The following HNRNPL variants were observed in gnomAD, a reference collection of about 807,000 sequenced individuals.
HNRNPL encodes the protein epididymis secretory sperm binding protein.
A neutral mutation model predicts 64.0 loss-of-function variants in HNRNPL; 12 were observed. The observed-to-expected ratio is 0.19, with a 90% CI of 0.12 to 0.30. The LOEUF (loss-of-function observed/expected upper bound fraction) is 0.30, where lower values mean the gene tolerates loss of function less well. Ranked by LOEUF, HNRNPL falls within the 10% of genes least tolerant of loss-of-function variation. The pLI is 1.00. For synonymous variants in HNRNPL, 385 were observed against 313.0 expected, an observed-to-expected ratio of 1.23 and a Z score of -2.43; for missense variants, 484 against 797.4, an observed-to-expected ratio of 0.61 and a Z score of 4.73.
chr19:38,839,969 C>T (rs994478991), intron 8 of HNRNPL, 127 bp downstream of exon 8: 4 of 808,860 alleles, frequency 4.9e-6, no homozygotes, highest in Non-Finnish European at 4.1e-6. Context: ...GCTGCCTGAG[C>T]TCACTGAGTC....
chr19:38,844,143 T>C (rs1555726287), intron 4 of HNRNPL, 39 bp from the exon 5 acceptor site: 6 of 1,342,160 alleles, frequency 4.5e-6, no homozygotes, highest in Admixed American at 3.4e-5. Flanking sequence ...CAGGAGATCT[T>C]TGAGAAGGGC....
chr19:38,837,550 A>G (rs1322055784), intron 11 of HNRNPL, 44 bp downstream of exon 11: 1 of 1,611,032 alleles, frequency 6.2e-7, no homozygotes, highest in Non-Finnish European at 8.5e-7. Flanking sequence ...CTGCCCACCA[A>G]CCACCATGCA....
upstream of HNRNPL, among the ~76,000 whole-genome samples, chr19:38,850,661 C>T (rs558334252): frequency 2.0e-5 from 3 of 152,344 alleles, no homozygotes; most frequent in Admixed American, 1.3e-4. Flanking sequence ...TATGGAGCGA[C>T]CGCTGTGTGT....
At position 38,845,973 on chromosome 19, in the gene HNRNPL, T is replaced by C. The variant is rs1568373273; in HGVS notation, c.504A>G (p.Pro168=). Residue 168 remains proline, a synonymous_variant, in exon 3 of 13, where the codon CCA becomes CCG. Coordinates refer to ENST00000221419, the MANE Select transcript of HNRNPL (RefSeq NM_001533.3). ...ADNQIYIAGH[P]AFVNYSTSQK... is the part of the protein sequence containing the mutation. Reference sequence around the variant, plus strand: ...GGCTGGTAGAGTAGTTGACAAAAGCTGGGTGACCAGCAATGTATATTTGGT... The same window carrying C: ...GGCTGGTAGAGTAGTTGACAAAAGCCGGGTGACCAGCAATGTATATTTGGT... 1.9e-6 allele frequency: 3 copies of C among 1,614,066 alleles called. No individual in the cohort carries two copies. Among genetic ancestry groups the C allele is most frequent in the African/African-American group, 1.3e-5 (1 of 74,924 alleles).
chr19:38,837,150 G>T (rs1286576513), intron 12 of HNRNPL: 16 of 581,192 alleles, frequency 2.8e-5, no homozygotes, highest in Non-Finnish European at 4.3e-5. Context: ...CTCCCTGGAG[G>T]ACAAGCCTGA....
chr19:38,846,596 A>T (rs1392935692), intron 2 of HNRNPL, among the ~76,000 whole-genome samples: 1 of 152,042 alleles, frequency 6.6e-6, no homozygotes, highest in Non-Finnish European at 1.5e-5. Flanking sequence ...ACATGGCAAA[A>T]CCTCACCTCT....
chr19:38,849,477 C>T (rs1972424849), intron 1 of HNRNPL: 2 of 539,424 alleles, frequency 3.7e-6, no homozygotes, highest in East Asian at 7.2e-5. Flanking sequence ...GAGCTACTTC[C>T]TCTGCGCTCC....
rs532299931 is a variant in HNRNPL at position 38,846,063 on chromosome 19, T to C, written c.414A>G (p.Arg138=). 12 of 1,614,052 alleles carry C rather than the reference T, an allele frequency of 7.4e-6. No individual in the cohort carries two copies. Among genetic ancestry groups the C allele is most frequent in the African/African-American group, 1.3e-5 (1 of 75,028 alleles). ...CATCTTCAAACTCCACCAGTGCTTGTCTCTTTTTAGGCATTACCACCACAT... is the reference window on the plus strand; with the variant it reads ...CATCTTCAAACTCCACCAGTGCTTGCCTCTTTTTAGGCATTACCACCACAT... ...ISYVVVMPKK[R]QALVEFEDVL... Residue 138 remains arginine (R), a synonymous_variant, in exon 3 of 13, where the codon AGA becomes AGG. Transcript: ENST00000221419.
rs1188037744 is a variant in HNRNPL, at chr19:38,849,516, G to A, written c.267+184C>T. 5 of 814,644 alleles carry A rather than the reference G, an allele frequency of 6.1e-6. No homozygotes were observed. In the East Asian group the frequency reaches 1.4e-4, roughly 23 times the overall value. 50.5% of individuals were successfully genotyped at this position (814,644 alleles called of 1,614,324 possible). ...ACACCCCGCTCCGGACCCCGCGCAC[G>A]CGCAGGCGCCTGTCCTCGCGCAAAC... On this transcript the variant is annotated intron_variant, in intron 1 of 12. Coordinates refer to ENST00000221419, the MANE Select transcript of HNRNPL (RefSeq NM_001533.3).
Position 38,836,565 on chromosome 19 carries a change from T to C in HNRNPL, c.*157A>G. 2.1e-6 allele frequency: 1 copy of C among 474,760 alleles called. No individual in the cohort carries two copies. Among genetic ancestry groups the C allele is most frequent in the Non-Finnish European group, 3.6e-6 (1 of 275,668 alleles). The allele number at this position is 474,760 out of a possible 1,614,324, so 29.4% of individuals were successfully genotyped here. Reference sequence around the variant, plus strand: ...CCCTGCAGATTTCCAGCGTTTCCATTAAGGTTAAGTAAGCCTCTACAAACC... The same window carrying C: ...CCCTGCAGATTTCCAGCGTTTCCATCAAGGTTAAGTAAGCCTCTACAAACC... On this transcript the variant is annotated 3_prime_UTR_variant, in exon 13 of 13. Transcript: ENST00000221419.
intron 1 of HNRNPL, 186 bp downstream of exon 1, chr19:38,849,514 A>AC (rs1445283980): frequency 9.3e-5 from 73 of 788,620 alleles, no homozygotes; most frequent in Non-Finnish European, 1.7e-6. Flanking sequence ...GACCCCGCGC[A>AC]CGCGCAGGCG....
intron 2 of HNRNPL, among the ~76,000 whole-genome samples, chr19:38,846,874 C>G (rs1055942763): frequency 2.6e-5 from 4 of 152,248 alleles, no homozygotes; most frequent in Admixed American, 2.0e-4. Context: ...TCACTGCACT[C>G]CAGCCTGGGC....
chr19:38,843,764 G>A, intron 6 of HNRNPL, 78 bp downstream of exon 6: 1 of 1,235,332 alleles, frequency 8.1e-7, no homozygotes, highest in South Asian at 1.3e-5. Flanking sequence ...ACATAACCCT[G>A]AGCCCAGGCC....
At chr19:38,849,487 C>T (rs913647606) in intron 1 of HNRNPL, 7 of 587,472 alleles carry the variant, frequency 1.2e-5, no homozygotes, top group Non-Finnish European at 1.7e-5. Context: ...CTCTGCGCTC[C>T]CCCACACCCC....
In HNRNPL at chr19:38,840,279, C is replaced by G; in HGVS notation, c.1050G>C (p.Gly350=). ...YEGRRMGPPV[G]GHRRGPSRYG... ...AGCGACTTGGGCCCCGACGGTGACCCCCCACTGGTGGACCCATCCTTCTCC... is the reference window on the plus strand; with the variant it reads ...AGCGACTTGGGCCCCGACGGTGACCGCCCACTGGTGGACCCATCCTTCTCC... The change falls in exon 8 of 13, where the codon GGG becomes GGC. Residue 350 remains glycine, a synonymous_variant. Coordinates refer to ENST00000221419, the MANE Select transcript of HNRNPL (RefSeq NM_001533.3). The G allele has an allele frequency of 6.3e-7, 1 of 1,578,690 alleles. No homozygotes were observed. Among genetic ancestry groups the G allele is most frequent in the African/African-American group, 1.3e-5 (1 of 74,600 alleles).
chr19:38,847,205 T>C, intron 2 of HNRNPL, 111 bp downstream of exon 2: 1 of 541,180 alleles, frequency 1.8e-6, no homozygotes, highest in Non-Finnish European at 3.3e-6. Flanking sequence ...GGCCACAGAA[T>C]CTAGACCAGG....
upstream of HNRNPL, chr19:38,850,144 G>A (rs1346040879): frequency 4.0e-6 from 2 of 500,150 alleles, no homozygotes; most frequent in Admixed American, 4.3e-5. Flanking sequence ...GCCCGCCCTT[G>A]TTTGTCTGAG....
intron 6 of HNRNPL, chr19:38,842,338 C>G (rs1048630524): frequency 1.3e-5 from 2 of 152,292 alleles, no homozygotes; most frequent in Admixed American, 6.5e-5. Context: ...GAGCATCGCT[C>G]GCTGGCTGGC....
At position 38,836,929 on chromosome 19, in the gene HNRNPL, C is replaced by A. The variant is rs73040183; in HGVS notation, c.1712-149G>T. 31,495 of 595,872 alleles carry A rather than the reference C, an allele frequency of 0.053. 1,052 individuals carry two copies. The highest frequency in any genetic ancestry group is 0.065 in the Admixed American group (2,007 of 30,840). 36.9% of individuals were successfully genotyped at this position (595,872 alleles called of 1,614,324 possible). Reference sequence around the variant, plus strand: ...GCCCAACGTGAGGCTTCAAGATGAGCCAATTACCAATTATGCACGGCGTTT... The same window carrying A: ...GCCCAACGTGAGGCTTCAAGATGAGACAATTACCAATTATGCACGGCGTTT... On this transcript the variant is annotated intron_variant, in intron 12 of 12. Transcript: ENST00000221419.
Sources: gnomAD v4.1 joint callset for allele counts (sites outside exome capture counted in the v4.1 genomes callset) on GRCh38, gnomAD v4.1.1 for gene constraint, MANE v1.5 for transcripts, NCBI Gene and HGNC (gene_info 2026-07-23, HGNC 2026-07-21) for gene names.